Variants in EXOC1 observed in about 807,000 individuals in gnomAD.
EXOC1 encodes the protein exocyst complex component 1.
Under a neutral mutation model 107.7 loss-of-function variants are expected in EXOC1, and 67 were observed. The ratio of observed to expected loss-of-function variants is 0.62; its 90% CI spans 0.51 to 0.76. The LOEUF (loss-of-function observed/expected upper bound fraction) is 0.76, where lower values mean the gene tolerates loss of function less well. Ranked by LOEUF, EXOC1 falls within the 30% of genes least tolerant of loss-of-function variation. EXOC1 has a pLI of 0.00. For missense variants in EXOC1, 833 were observed against 1,055.7 expected (o/e 0.79, Z 2.92); for synonymous variants, 348 against 353.5 (o/e 0.98, Z 0.17).
In EXOC1 at chr4:55,891,395, G is replaced by A; in HGVS notation, c.1620G>A (p.Gln540=). 1 of 1,613,086 alleles carries A rather than the reference G, an allele frequency of 6.2e-7. No homozygotes were observed. Among genetic ancestry groups the A allele is most frequent in the South Asian group, 1.1e-5 (1 of 91,046 alleles). Residue 540 remains glutamine (Q), a synonymous_variant, in exon 13 of 19, where the codon CAG becomes CAA. Transcript: ENST00000381295. ...QDFISKFFKL[Q]QHQSMPGTMA... Reference sequence around the variant, plus strand: ...TCATAAGTAAATTTTTCAAACTACAGCAACATCAAAGTATGCCTGGAACTA... The same window carrying A: ...TCATAAGTAAATTTTTCAAACTACAACAACATCAAAGTATGCCTGGAACTA...
Position 55,864,242 on chromosome 4 carries a change from G to T in EXOC1, c.271G>T (p.Asp91Tyr). The change falls in exon 4 of 19, where the codon GAT becomes TAT. Residue 91 changes from aspartate to tyrosine, a missense_variant. Physicochemically the swap from Asp to Tyr is radical, Grantham distance 160. Around this residue, in one of 2 missense-constraint regions of EXOC1, gnomAD observed 617 missense variants for 701.3 expected, o/e 0.88. Transcript: ENST00000381295. Reference protein sequence around the residue: ...KDAIKENPEFDLHFEKIYKWV... With the variant: ...KDAIKENPEFYLHFEKIYKWV... ...TTTATTTTAGGAAAATCCTGAATTT[G>T]ATTTACACTTTGAAAAAATATATAA... 6.4e-7 allele frequency: 1 copy of T among 1,572,544 alleles called. No individual in the cohort carries two copies.
intron 9 of EXOC1, among the ~76,000 whole-genome samples, chr4:55,880,787 G>T (rs1410064280): frequency 1.3e-5 from 2 of 152,122 alleles, no homozygotes; most frequent in African/African-American, 4.8e-5. Context: ...GTATATTTTT[G>T]ATTGACAATA....
At chr4:55,899,563 A>T in intron 16 of EXOC1, 122 bp from the exon 17 acceptor site, 2 of 815,754 alleles carry the variant, frequency 2.5e-6, no homozygotes, top group Non-Finnish European at 3.8e-6. Context: ...ATATTGTATT[A>T]AGTCCAGAAA....
At chr4:55,890,454 C>T (rs1724386779) in intron 12 of EXOC1, 68 bp downstream of exon 12, 5 of 1,404,694 alleles carry the variant, frequency 3.6e-6, no homozygotes, top group Non-Finnish European at 4.9e-6. Context: ...TGTGGTTGCT[C>T]TAAGTGTGTT....
At chr4:55,893,463 C>T in intron 14 of EXOC1, 89 bp from the exon 15 acceptor site, 1 of 1,137,188 alleles carries the variant, frequency 8.8e-7, no homozygotes. Context: ...TATTTTTGTC[C>T]TTTTGTATAT....
chr4:55,891,529 A>G (rs1724547519), intron 13 of EXOC1, 107 bp downstream of exon 13: 1 of 762,772 alleles, frequency 1.3e-6, no homozygotes, highest in Non-Finnish European at 2.1e-6. Context: ...GAAAGAATTT[A>G]TCATGTAAGG....
rs1192301512 is a variant in EXOC1, at chr4:55,904,521, T to C, written c.*26T>C. On this transcript the variant is annotated 3_prime_UTR_variant, in exon 19 of 19. Transcript: ENST00000381295. ...ACCTTGTGAAAGAAGAAAAGATAACTGAATGAAGCATTTGAGTATAACAGA... is the reference window on the plus strand; with the variant it reads ...ACCTTGTGAAAGAAGAAAAGATAACCGAATGAAGCATTTGAGTATAACAGA... 15 of 1,593,080 alleles carry C rather than the reference T, an allele frequency of 9.4e-6. No homozygotes were observed. The highest frequency in any genetic ancestry group is 1.2e-5 in the Non-Finnish European group (14 of 1,169,104).
chr4:55,877,306 A>T, intron 8 of EXOC1: 1 of 985,392 alleles, frequency 1.0e-6, no homozygotes, highest in Non-Finnish European at 1.2e-6. Context: ...TATCTAGGCA[A>T]ATTAGATTGA....
chr4:55,881,930 A>C (rs1463274997), intron 9 of EXOC1, among the ~76,000 whole-genome samples: 1 of 152,066 alleles, frequency 6.6e-6, no homozygotes. Context: ...ACTGCTTGCT[A>C]CTCGAAAGCC....
chr4:55,864,451 ATCAT>A, intron 4 of EXOC1, 65 bp downstream of exon 4: 1 of 1,302,736 alleles, frequency 7.7e-7, no homozygotes, highest in Non-Finnish European at 1.1e-6. Context: ...ATAATTTGAC[ATCAT>A]TCAAATTAAT....
At chr4:55,875,286 G>C (rs919587617) in intron 8 of EXOC1, among the ~76,000 whole-genome samples, 2 of 152,090 alleles carry the variant, frequency 1.3e-5, no homozygotes, top group Middle Eastern at 3.2e-3. Flanking sequence ...ACGGATTGAT[G>C]ATCTCTGGTT....
intron 15 of EXOC1, among the ~76,000 whole-genome samples, chr4:55,894,403 T>C (rs1248189841): frequency 2.6e-5 from 4 of 151,992 alleles, no homozygotes; most frequent in African/African-American, 9.7e-5. Flanking sequence ...AATGAAACAA[T>C]TGAAACAATC....
chr4:55,854,693 G>A (rs189319569), intron 1 of EXOC1, among the ~76,000 whole-genome samples: 14 of 152,088 alleles, frequency 9.2e-5, no homozygotes, highest in Non-Finnish European at 1.8e-4. Context: ...TCCTTTATGA[G>A]GTATGCCCAA....
intron 17 of EXOC1, chr4:55,900,755 G>C (rs1725804831): frequency 6.6e-6 from 1 of 152,174 alleles, no homozygotes; most frequent in Non-Finnish European, 1.5e-5. Context: ...GCACGCTCCT[G>C]TAGTCCTAGC....
intron 8 of EXOC1, chr4:55,876,769 T>G (rs1052741480): frequency 9.1e-6 from 9 of 985,200 alleles, no homozygotes; most frequent in Non-Finnish European, 1.1e-5. Flanking sequence ...GTGTATTGGT[T>G]GTTTTCTACC....
At chr4:55,867,342 T>C (rs915240733) in intron 4 of EXOC1, among the ~76,000 whole-genome samples, 1 of 152,218 alleles carries the variant, frequency 6.6e-6, no homozygotes, top group African/African-American at 2.4e-5. Context: ...CAAATGAACG[T>C]ATTTCAGGTC....
chr4:55,892,194 CTG>C (rs1326006406), intron 13 of EXOC1, among the ~76,000 whole-genome samples: 2 of 151,644 alleles, frequency 1.3e-5, no homozygotes, highest in Non-Finnish European at 2.9e-5. Flanking sequence ...TTGTTGGCCT[CTG>C]TAAGAATTTT....
At chr4:55,871,543 C>T (rs556940371) in intron 7 of EXOC1, among the ~76,000 whole-genome samples, 5 of 152,152 alleles carry the variant, frequency 3.3e-5, no homozygotes, top group African/African-American at 7.2e-5. Context: ...CTTGAGTGTC[C>T]GTCAGAATCC....
intron 9 of EXOC1, among the ~76,000 whole-genome samples, chr4:55,879,064 A>G (rs73151590): frequency 0.046 from 6,993 of 152,274 alleles, 460 homozygotes; most frequent in Admixed American, 0.17. Flanking sequence ...GAACAGTAGT[A>G]TATACTGCTG....
Sources: allele counts gnomAD v4.1 joint callset (sites outside exome capture counted in the v4.1 genomes callset), GRCh38; gene constraint gnomAD v4.1.1; regional missense constraint gnomAD v4.1.1; transcripts MANE v1.5; gene names NCBI Gene and HGNC (gene_info 2026-07-23, HGNC 2026-07-21).